Variants in CKAP5 observed in about 807,000 individuals in gnomAD.
CKAP5 encodes cytoskeleton associated protein 5.
Under a neutral mutation model 232.8 loss-of-function variants are expected in CKAP5, and 27 were observed. That is an observed-to-expected ratio of 0.12 (90% confidence interval 0.09 to 0.16). The LOEUF (loss-of-function observed/expected upper bound fraction) is 0.16, where lower values mean the gene tolerates loss of function less well. Among genes scored for constraint, CKAP5 ranks in the 10% least tolerant of loss-of-function variants. The pLI, the probability that CKAP5 is intolerant of heterozygous loss-of-function variation, is 1.00. For missense variants in CKAP5, 1,838 were observed against 2,424.7 expected, an observed-to-expected ratio of 0.76 and a Z score of 5.08; for synonymous variants, 785 against 841.1, an observed-to-expected ratio of 0.93 and a Z score of 1.16.
intron 13 of CKAP5, 141 bp downstream of exon 13, chr11:46,795,453 T>C (rs1370556906): frequency 1.6e-6 from 1 of 639,278 alleles, no homozygotes; most frequent in Non-Finnish European, 2.6e-6. Flanking sequence ...GAATATCCTA[T>C]CTTCATTAAC....
chr11:46,842,883 C>A, intron 1 of CKAP5, among the ~76,000 whole-genome samples: 1 of 141,030 alleles, frequency 7.1e-6, no homozygotes, highest in South Asian at 2.3e-4. Context: ...AGGAGAATGG[C>A]GTGAACCTGG....
At chr11:46,809,542 A>G in intron 6 of CKAP5, 42 bp from the exon 7 acceptor site, 1 of 1,493,126 alleles carries the variant, frequency 6.7e-7, no homozygotes, top group Non-Finnish European at 9.3e-7. Context: ...AATGCTTAGA[A>G]TTGTTTTACT....
Position 46,816,225 on chromosome 11 carries a change from C to T in CKAP5, c.431G>A (p.Cys144Tyr). ...DNKNPKIIVACIETLRKALSE... is the reference protein window; with the variant it reads ...DNKNPKIIVAYIETLRKALSE... ...TAAGGCTTTCCTCAGTGTCTCTATA[C>T]AGGCCACTATGATCTTGGGATTCTT... Residue 144 changes from cysteine (C) to tyrosine (Y), a missense_variant, in exon 4 of 44, where the codon TGT becomes TAT. Cys to Tyr is a radical substitution (Grantham distance 194, BLOSUM62 -2). Around this residue, in one of 6 missense-constraint regions of CKAP5, gnomAD observed 285 missense variants for 300.0 expected, o/e 0.95. Transcript: ENST00000529230. 1 of 1,614,026 alleles carries T rather than the reference C, an allele frequency of 6.2e-7. No homozygotes were observed.
intron 7 of CKAP5, 62 bp downstream of exon 7, chr11:46,809,338 C>G (rs1939225105): frequency 1.8e-6 from 2 of 1,130,034 alleles, no homozygotes; most frequent in Admixed American, 1.9e-5. Flanking sequence ...GCAGAGTATT[C>G]TAATTCTATT....
chr11:46,816,484 T>C (rs1939405118), intron 3 of CKAP5, 80 bp from the exon 4 acceptor site: 2 of 988,880 alleles, frequency 2.0e-6, no homozygotes, highest in African/African-American at 1.6e-5. Flanking sequence ...GGTGTACTAG[T>C]ACTTTTACAA....
intron 9 of CKAP5, among the ~76,000 whole-genome samples, chr11:46,800,335 G>C (rs767058107): frequency 3.3e-5 from 5 of 152,034 alleles, no homozygotes; most frequent in Admixed American, 6.6e-5. Flanking sequence ...TTAATGCTAT[G>C]AGTAAGCAAG....
intron 16 of CKAP5, among the ~76,000 whole-genome samples, chr11:46,786,855 G>A (rs1200018871): frequency 6.6e-6 from 1 of 152,122 alleles, no homozygotes; most frequent in Non-Finnish European, 1.5e-5. Context: ...TTGGCAGAGG[G>A]TGGGAGACAG....
intron 1 of CKAP5, among the ~76,000 whole-genome samples, chr11:46,833,420 G>A (rs1939838443): frequency 6.6e-6 from 1 of 151,978 alleles, no homozygotes; most frequent in Non-Finnish European, 1.5e-5. Flanking sequence ...CAGATTTCAT[G>A]GCAAACACCA....
At chr11:46,765,298 TCTC>T (rs774381409) in intron 27 of CKAP5, 42 bp from the exon 28 acceptor site, 4 of 1,544,710 alleles carry the variant, frequency 2.6e-6, no homozygotes, top group East Asian at 4.8e-5. Context: ...CTTGGCCACT[TCTC>T]CTTAAGAATA....
At chr11:46,837,810 T>C (rs1939950708) in intron 1 of CKAP5, among the ~76,000 whole-genome samples, 1 of 152,184 alleles carries the variant, frequency 6.6e-6, no homozygotes, top group South Asian at 2.1e-4. Flanking sequence ...TCCACACTAT[T>C]ATCAGTAAAT....
chr11:46,768,405 GC>G (rs980256702), intron 26 of CKAP5, among the ~76,000 whole-genome samples: 10 of 149,672 alleles, frequency 6.7e-5, no homozygotes, highest in Non-Finnish European at 1.5e-4. Context: ...CCACTATGTT[GC>G]CCAGGCTGGT....
At chr11:46,839,302 G>C (rs558409553) in intron 1 of CKAP5, among the ~76,000 whole-genome samples, 2 of 152,258 alleles carry the variant, frequency 1.3e-5, no homozygotes, top group Non-Finnish European at 2.9e-5. Flanking sequence ...AGAATGCAAA[G>C]ACCGAAAAGA....
intron 15 of CKAP5, 33 bp from the exon 16 acceptor site, chr11:46,788,806 G>A (rs1230136415): frequency 2.1e-6 from 3 of 1,444,152 alleles, no homozygotes; most frequent in Non-Finnish European, 2.9e-6. Flanking sequence ...AGAGTTTAAG[G>A]GTTAAAGGTT....
intron 42 of CKAP5, among the ~76,000 whole-genome samples, chr11:46,748,238 A>C (rs78500566): frequency 0.14 from 21,154 of 152,042 alleles, 2,463 homozygotes; most frequent in East Asian, 0.61. Context: ...CTATGTGTAG[A>C]AAAGAACAGA....
chr11:46,814,595 C>T (rs1274102291), intron 4 of CKAP5, among the ~76,000 whole-genome samples: 1 of 152,140 alleles, frequency 6.6e-6, no homozygotes, highest in Non-Finnish European at 1.5e-5. Flanking sequence ...CTGATATAGA[C>T]AGTACTTGGG....
intron 42 of CKAP5, among the ~76,000 whole-genome samples, chr11:46,745,010 C>A (rs2065012311): frequency 6.6e-6 from 1 of 152,146 alleles, no homozygotes; most frequent in Non-Finnish European, 1.5e-5. Context: ...GTGAAGGAAG[C>A]AAGGTGTCCA....
intron 15 of CKAP5, 104 bp from the exon 16 acceptor site, chr11:46,788,877 G>A (rs898050691): frequency 2.6e-6 from 2 of 769,432 alleles, no homozygotes; most frequent in Non-Finnish European, 4.4e-6. Flanking sequence ...AGAAAGGAGT[G>A]GAATAGAACT....
intron 13 of CKAP5, among the ~76,000 whole-genome samples, 180 bp downstream of exon 13, chr11:46,795,413 TA>T (rs1278453109): frequency 1.3e-5 from 2 of 152,180 alleles, no homozygotes; most frequent in African/African-American, 4.8e-5. Flanking sequence ...TTATCTCTAT[TA>T]AAGCTCCAAA....
At chr11:46,752,024 C>T (rs1469545421) in intron 38 of CKAP5, among the ~76,000 whole-genome samples, 1 of 151,430 alleles carries the variant, frequency 6.6e-6, no homozygotes, top group East Asian at 1.9e-4. Flanking sequence ...CTGTTTCAAA[C>T]TTCTTTCCTT....
Sources: allele counts gnomAD v4.1 joint callset (sites outside exome capture counted in the v4.1 genomes callset), GRCh38; gene constraint gnomAD v4.1.1; regional missense constraint gnomAD v4.1.1; transcripts MANE v1.5; gene names NCBI Gene and HGNC (gene_info 2026-07-23, HGNC 2026-07-21).